Variants in CACNA1E observed in about 807,000 individuals in gnomAD.
The protein encoded by CACNA1E is calcium voltage-gated channel subunit alpha1 E.
In CACNA1E, 40 loss-of-function variants were observed where a neutral mutation model predicts 259.2. The observed-to-expected ratio is 0.15, with a 90% CI of 0.12 to 0.20. The LOEUF is 0.20. Among genes scored for constraint, CACNA1E ranks in the 10% least tolerant of loss-of-function variants. The pLI is 1.00. For missense variants in CACNA1E, 1,874 were observed against 3,040.1 expected (o/e 0.62, Z 9.02); for synonymous variants, 1,104 against 1,138.5 (o/e 0.97, Z 0.61).
chr1:181,442,323 G>T (rs1407443541), intron 2 of CACNA1E, among the ~76,000 whole-genome samples: 1 of 149,156 alleles, frequency 6.7e-6, no homozygotes, highest in Non-Finnish European at 1.5e-5. Flanking sequence ...GGCCAGGTGT[G>T]ATGGGCACAG....
At chr1:181,453,299 T>G (rs3856086) in intron 2 of CACNA1E, among the ~76,000 whole-genome samples, 87,960 of 152,096 alleles carry the variant, frequency 0.58, 27,079 homozygotes, top group African/African-American at 0.8. Flanking sequence ...TAGTTTCCCT[T>G]GCTGAGAACT....
intron 7 of CACNA1E, among the ~76,000 whole-genome samples, chr1:181,690,150 G>A (rs1364072071): frequency 6.6e-6 from 1 of 152,124 alleles, no homozygotes; most frequent in Admixed American, 6.5e-5. Flanking sequence ...GTTAATTTTT[G>A]TATAAGGTGT....
chr1:181,541,996 C>T (rs1030591044), intron 3 of CACNA1E, among the ~76,000 whole-genome samples: 1 of 152,190 alleles, frequency 6.6e-6, no homozygotes, highest in Non-Finnish European at 1.5e-5. Context: ...ATCTTCCTTG[C>T]TCTCTTGGAT....
intron 1 of CACNA1E, among the ~76,000 whole-genome samples, chr1:181,369,074 G>C (rs1654498376): frequency 6.6e-6 from 1 of 152,232 alleles, no homozygotes; most frequent in Admixed American, 6.5e-5. Flanking sequence ...CTGTGGAAGA[G>C]AGTAGACTCT....
At chr1:181,672,486 T>C (rs924400318) in intron 7 of CACNA1E, among the ~76,000 whole-genome samples, 15 of 152,248 alleles carry the variant, frequency 9.9e-5, no homozygotes, top group African/African-American at 2.4e-5. Flanking sequence ...AAACCAAGAC[T>C]GTGCTTTTAT....
chr1:181,682,394 G>A (rs1650064297), intron 7 of CACNA1E, among the ~76,000 whole-genome samples: 1 of 152,192 alleles, frequency 6.6e-6, no homozygotes, highest in Non-Finnish European at 1.5e-5. Flanking sequence ...TATCACAGGT[G>A]AGGAAACCGG....
intron 2 of CACNA1E, among the ~76,000 whole-genome samples, chr1:181,472,745 G>A (rs1419082596): frequency 6.6e-6 from 1 of 152,198 alleles, no homozygotes; most frequent in African/African-American, 2.4e-5. Context: ...GCGCACTTGA[G>A]GTATTGCTTC....
intron 2 of CACNA1E, among the ~76,000 whole-genome samples, chr1:181,436,707 G>C (rs942832514): frequency 3.3e-5 from 5 of 152,014 alleles, no homozygotes; most frequent in African/African-American, 1.2e-4. Flanking sequence ...CTGGGGACGA[G>C]GGGGGTGGAT....
At chr1:181,513,679 C>T (rs1281572305) in intron 3 of CACNA1E, among the ~76,000 whole-genome samples, 1 of 152,136 alleles carries the variant, frequency 6.6e-6, no homozygotes, top group Non-Finnish European at 1.5e-5. Flanking sequence ...GTTAATCTCT[C>T]TGCAAATAAG....
intron 3 of CACNA1E, among the ~76,000 whole-genome samples, chr1:181,548,270 G>A (rs1647740381): frequency 6.6e-6 from 1 of 151,820 alleles, no homozygotes; most frequent in South Asian, 2.1e-4. Context: ...GATTACAGGT[G>A]CGTGCCACTA....
Position 181,570,448 on chromosome 1 carries a change from A to G in CACNA1E, c.513-7318A>G, listed in dbSNP as rs753575637. Among the ~76,000 whole-genome samples, 7 of 152,252 alleles carry G rather than the reference A, an allele frequency of 4.6e-5. No homozygotes were observed. In the East Asian group the frequency reaches 7.7e-4, roughly 17 times the overall value. On this transcript the variant is annotated intron_variant, in intron 3 of 47. Transcript: ENST00000367573. Reference sequence around the variant, plus strand: ...AGAATCTCTGACCTTTGCCAAGTGTATTAGTTTCCTATAGCTTCTGTAACA... The same window carrying G: ...AGAATCTCTGACCTTTGCCAAGTGTGTTAGTTTCCTATAGCTTCTGTAACA...
intron 35 of CACNA1E, among the ~76,000 whole-genome samples, chr1:181,770,231 A>G (rs2102759789): frequency 6.6e-6 from 1 of 152,344 alleles, no homozygotes; most frequent in Non-Finnish European, 1.5e-5. Context: ...AAATGACTGG[A>G]AAAGTAACCC....
intron 1 of CACNA1E, among the ~76,000 whole-genome samples, chr1:181,490,543 GTTTTTTTT>G (rs34093740): frequency 8.0e-6 from 1 of 125,316 alleles, no homozygotes. Flanking sequence ...TGCCAAGCAT[GTTTTTTTT>G]TTTTTTTTTT....
intron 2 of CACNA1E, 57 bp downstream of exon 2, chr1:181,510,639 C>T (rs2102618927): frequency 9.0e-7 from 1 of 1,117,226 alleles, no homozygotes; most frequent in East Asian, 2.4e-5. Context: ...GGTTTCTTCT[C>T]CTCTGCTTTA....
chr1:181,423,917 G>T (rs1038275179), intron 2 of CACNA1E, among the ~76,000 whole-genome samples: 19 of 152,074 alleles, frequency 1.2e-4, no homozygotes, highest in Non-Finnish European at 2.9e-5. Context: ...TTTAGAGGGG[G>T]CAGGAAGTCT....
intron 7 of CACNA1E, among the ~76,000 whole-genome samples, chr1:181,675,299 T>A (rs1649255726): frequency 6.6e-6 from 1 of 152,036 alleles, no homozygotes; most frequent in Admixed American, 6.6e-5. Context: ...CTCCGAAACA[T>A]CATGGGTGAC....
chr1:181,701,927 C>G (rs1345248572), intron 7 of CACNA1E, among the ~76,000 whole-genome samples: 1 of 151,988 alleles, frequency 6.6e-6, no homozygotes, highest in Non-Finnish European at 1.5e-5. Context: ...ACTGAATTAT[C>G]AGTTAACATC....
intron 3 of CACNA1E, among the ~76,000 whole-genome samples, chr1:181,540,795 A>G (rs1668523229): frequency 6.6e-6 from 1 of 152,222 alleles, no homozygotes; most frequent in African/African-American, 2.4e-5. Context: ...CAAACCTGGT[A>G]TTAAAACAGT....
At chr1:181,599,512 T>A (rs181876285) in intron 6 of CACNA1E, among the ~76,000 whole-genome samples, 27 of 152,380 alleles carry the variant, frequency 1.8e-4, no homozygotes, top group Admixed American at 1.4e-3. Context: ...TATAATTTTT[T>A]AAATCACAAT....
Sources: gnomAD v4.1 joint callset for allele counts (sites outside exome capture counted in the v4.1 genomes callset) on GRCh38, gnomAD v4.1.1 for gene constraint, MANE v1.5 for transcripts, NCBI Gene and HGNC (gene_info 2026-07-23, HGNC 2026-07-21) for gene names.